Variants in ABCC4 observed in about 807,000 individuals in gnomAD.
ABCC4 encodes the protein ATP binding cassette subfamily C member 4 (PEL blood group).
ABCC4 carries 102 observed loss-of-function variants against 168.5 expected under a neutral mutation model. That is an observed-to-expected ratio of 0.61 (90% CI 0.52 to 0.71). The LOEUF (loss-of-function observed/expected upper bound fraction) is 0.71, where lower values mean the gene tolerates loss of function less well. Among genes scored for constraint, ABCC4 ranks in the 30% least tolerant of loss-of-function variants. The pLI, the probability that ABCC4 is intolerant of heterozygous loss-of-function variation, is 0.00. For synonymous variants in ABCC4, 617 were observed against 590.7 expected (o/e 1.04, Z -0.65); for missense variants, 1,402 against 1,605.8 (o/e 0.87, Z 2.17).
At chr13:95,100,193 C>T (rs1048098253) in intron 20 of ABCC4, among the ~76,000 whole-genome samples, 2 of 152,190 alleles carry the variant, frequency 1.3e-5, no homozygotes, top group Non-Finnish European at 2.9e-5. Flanking sequence ...CAATGGACAT[C>T]ATCCAATATG....
intron 20 of ABCC4, among the ~76,000 whole-genome samples, chr13:95,086,456 C>T (rs537559119): frequency 1.6e-4 from 25 of 152,182 alleles, no homozygotes; most frequent in South Asian, 1.0e-3. Context: ...AAATTTCCCC[C>T]GGCAGACTCT....
At chr13:95,257,380 C>G (rs1034193005) in intron 1 of ABCC4, among the ~76,000 whole-genome samples, 1 of 152,158 alleles carries the variant, frequency 6.6e-6, no homozygotes, top group African/African-American at 2.4e-5. Context: ...TGAAGAAAAT[C>G]TGCACGTAGG....
At chr13:95,131,625 T>C (rs534028032) in intron 19 of ABCC4, among the ~76,000 whole-genome samples, 3 of 151,596 alleles carry the variant, frequency 2.0e-5, no homozygotes, top group African/African-American at 7.3e-5. Flanking sequence ...CAAGACTGTC[T>C]CAAAAAAAAA....
chr13:95,230,105 C>G (rs2039579213), intron 4 of ABCC4, among the ~76,000 whole-genome samples: 1 of 152,236 alleles, frequency 6.6e-6, no homozygotes, highest in Admixed American at 6.5e-5. Context: ...GTTCAGCACA[C>G]TATTGCCATG....
At chr13:95,036,528 T>A (rs1043209878) in intron 29 of ABCC4, among the ~76,000 whole-genome samples, 11 of 149,838 alleles carry the variant, frequency 7.3e-5, no homozygotes, top group African/African-American at 1.7e-4. Context: ...AAAAAAAAAA[T>A]AATGTTCTCA....
chr13:95,203,531 T>C (rs2038691774), intron 8 of ABCC4, among the ~76,000 whole-genome samples: 2 of 152,046 alleles, frequency 1.3e-5, no homozygotes, highest in South Asian at 2.1e-4. Flanking sequence ...CTAATTTTTA[T>C]ATTTTTAGTA....
At chr13:95,121,832 TC>T (rs1377787894) in intron 19 of ABCC4, among the ~76,000 whole-genome samples, 11 of 152,064 alleles carry the variant, frequency 7.2e-5, no homozygotes, top group African/African-American at 2.2e-4. Flanking sequence ...TCTCTGCCCT[TC>T]CCCTCTCAAA....
At chr13:95,237,839 G>C (rs1226073427) in intron 3 of ABCC4, among the ~76,000 whole-genome samples, 2 of 152,080 alleles carry the variant, frequency 1.3e-5, no homozygotes, top group African/African-American at 4.8e-5. Flanking sequence ...AGATGTTTGA[G>C]TGAAAAATAC....
At chr13:95,141,297 C>CT (rs1377072290) in intron 19 of ABCC4, among the ~76,000 whole-genome samples, 1 of 152,194 alleles carries the variant, frequency 6.6e-6, no homozygotes, top group Non-Finnish European at 1.5e-5. Flanking sequence ...GTTAAATGTT[C>CT]TTAGACTGTT....
chr13:95,244,670 A>AAAGAAAGAAATCAATC lies in ABCC4; in HGVS notation c.306+2304_306+2305insGATTGATTTCTTTCTT, dbSNP rs72377318. ...GAAAGAAAGAAAGAAAGAAAGAAAG[A>AAAGAAAGAAATCAATC]AATCATAGCAGTTCCTGGTACATAG... On this transcript the variant is annotated intron_variant, in intron 3 of 30. Coordinates refer to ENST00000645237, the MANE Select transcript of ABCC4 (RefSeq NM_005845.5). Among the ~76,000 whole-genome samples, 136 of 106,434 alleles carry AAAGAAAGAAATCAATC rather than the reference A, an allele frequency of 1.3e-3. 7 individuals are homozygous for AAAGAAAGAAATCAATC. The highest frequency in any genetic ancestry group is 2.0e-3 in the Non-Finnish European group (99 of 48,708). 69.8% of individuals were successfully genotyped at this position (106,434 alleles called of 152,430 possible). A position where few individuals can be genotyped will look rare whatever the true frequency, so the allele number is the denominator to read the frequency against.
At chr13:95,141,692 C>G (rs1421707729) in intron 19 of ABCC4, among the ~76,000 whole-genome samples, 1 of 152,176 alleles carries the variant, frequency 6.6e-6, no homozygotes, top group African/African-American at 2.4e-5. Context: ...AAAAGAGAAG[C>G]TAATCCAATC....
At chr13:95,038,374 C>CA (rs74617293) in intron 29 of ABCC4, among the ~76,000 whole-genome samples, 64,878 of 97,708 alleles carry the variant, frequency 0.66, 22,658 homozygotes, top group South Asian at 0.86. Flanking sequence ...AGCCCATACT[C>CA]AAAAAAAAAA....
chr13:95,247,631 C>A lies in ABCC4; in HGVS notation c.185+12G>T. The A allele has an allele frequency of 1.9e-6, 3 of 1,606,436 alleles. No individual in the cohort carries two copies. Among genetic ancestry groups the A allele is most frequent in the Non-Finnish European group, 2.6e-6 (3 of 1,173,338 alleles). Reference sequence around the variant, plus strand: ...CGCTTCCTTAATGCCCACTTTACTGCCTCCGACTTACCCTTGCAACTCCTC... The same window carrying A: ...CGCTTCCTTAATGCCCACTTTACTGACTCCGACTTACCCTTGCAACTCCTC... On this transcript the variant is annotated intron_variant, in intron 2 of 30. Coordinates refer to ENST00000645237, the MANE Select transcript of ABCC4 (RefSeq NM_005845.5).
intron 20 of ABCC4, among the ~76,000 whole-genome samples, chr13:95,113,682 C>G (rs1041369083): frequency 2.0e-5 from 3 of 151,952 alleles, no homozygotes; most frequent in Non-Finnish European, 4.4e-5. Flanking sequence ...CCTAATATAG[C>G]AACAGGCCCA....
chr13:95,097,383 T>C (rs779810353), intron 20 of ABCC4, among the ~76,000 whole-genome samples: 6 of 152,018 alleles, frequency 3.9e-5, no homozygotes, highest in Non-Finnish European at 7.4e-5. Flanking sequence ...AGCTGAGCAT[T>C]TAAAAAGCCA....
chr13:95,225,187 A>T (rs2039430053), intron 4 of ABCC4, among the ~76,000 whole-genome samples: 1 of 142,268 alleles, frequency 7.0e-6, no homozygotes, highest in Admixed American at 7.2e-5. Flanking sequence ...ACACACACAC[A>T]CACACACACA....
chr13:95,282,240 G>T (rs61974960), intron 1 of ABCC4, among the ~76,000 whole-genome samples: 1 of 152,048 alleles, frequency 6.6e-6, no homozygotes, highest in South Asian at 2.1e-4. Context: ...AATTCAGCCC[G>T]TAATATGGGT....
intron 4 of ABCC4, among the ~76,000 whole-genome samples, chr13:95,222,563 C>T (rs1487276081): frequency 6.6e-6 from 1 of 152,162 alleles, no homozygotes; most frequent in Non-Finnish European, 1.5e-5. Context: ...TTGGCTGATG[C>T]GCGGGCACAG....
At chr13:95,141,396 T>C (rs1010205071) in intron 19 of ABCC4, among the ~76,000 whole-genome samples, 1 of 152,172 alleles carries the variant, frequency 6.6e-6, no homozygotes, top group Non-Finnish European at 1.5e-5. Flanking sequence ...TGCCCAAAAT[T>C]TGTCCTCAAA....
Sources: gnomAD v4.1 joint callset for allele counts (sites outside exome capture counted in the v4.1 genomes callset) on GRCh38, gnomAD v4.1.1 for gene constraint, MANE v1.5 for transcripts, NCBI Gene and HGNC (gene_info 2026-07-23, HGNC 2026-07-21) for gene names.